The following AK8 variants were observed in gnomAD, a reference collection of about 807,000 sequenced individuals.
The protein encoded by AK8 is ATP-AMP transphosphorylase 8.
AK8 carries 44 observed loss-of-function variants against 54.6 expected under a neutral mutation model. The observed-to-expected ratio is 0.81, with a 90% CI of 0.63 to 1.04. The LOEUF is 1.04. Among genes scored for constraint, AK8 ranks in the 50% least tolerant of loss-of-function variants. The probability of loss-of-function intolerance (pLI) is 0.00; values close to 1 mark genes in which losing one functional copy is unlikely to be tolerated. For synonymous variants in AK8, 239 were observed against 245.6 expected, an observed-to-expected ratio of 0.97 and a Z score of 0.25; for missense variants, 555 against 613.6, an observed-to-expected ratio of 0.90 and a Z score of 1.01.
chr9:132,738,289 G>A (rs379893), intron 11 of AK8, among the ~76,000 whole-genome samples: 4,932 of 152,090 alleles, frequency 0.032, 199 homozygotes, highest in African/African-American at 0.1. Context: ...TCCTGACCTC[G>A]TGATCTGCCC....
chr9:132,764,731 A>G (rs7034575), intron 11 of AK8, among the ~76,000 whole-genome samples: 3,147 of 152,330 alleles, frequency 0.021, 112 homozygotes, highest in African/African-American at 0.072. Context: ...ATTCTACCAG[A>G]CATTTAAAGA....
chr9:132,857,376 C>T (rs1332617942), intron 4 of AK8, among the ~76,000 whole-genome samples: 1 of 152,122 alleles, frequency 6.6e-6, no homozygotes, highest in East Asian at 1.9e-4. Context: ...ACAGGGCCCC[C>T]GGGGTCTGGG....
At chr9:132,863,502 C>T (rs1843472038) in intron 4 of AK8, among the ~76,000 whole-genome samples, 163 bp downstream of exon 4, 1 of 152,248 alleles carries the variant, frequency 6.6e-6, no homozygotes, top group Non-Finnish European at 1.5e-5. Flanking sequence ...GAATTATCTT[C>T]TTCCTTCCTT....
chr9:132,845,528 G>A (rs1842714735), intron 5 of AK8, among the ~76,000 whole-genome samples: 1 of 152,178 alleles, frequency 6.6e-6, no homozygotes, highest in Non-Finnish European at 1.5e-5. Context: ...AGTGGCTCAT[G>A]CCTGTAATCC....
chr9:132,726,565 G>A (rs141427819), intron 12 of AK8, among the ~76,000 whole-genome samples: 1 of 152,176 alleles, frequency 6.6e-6, no homozygotes, highest in Admixed American at 6.5e-5. Flanking sequence ...ACCATGCCCG[G>A]CCTCTTGTTC....
intron 11 of AK8, among the ~76,000 whole-genome samples, chr9:132,767,824 G>C (rs1838787639): frequency 6.6e-6 from 1 of 152,186 alleles, no homozygotes; most frequent in Non-Finnish European, 1.5e-5. Context: ...TGAAACCAGA[G>C]GTCATTATGG....
rs188716364 is a variant in AK8 at position 132,826,300 on chromosome 9, G to A, written c.757+554C>T. 5.9e-5 allele frequency among the ~76,000 whole-genome samples: 9 copies of A among 152,270 alleles called. No homozygotes were observed. In the East Asian group the frequency reaches 1.2e-3, roughly 20 times the overall value. ...CAGGTTGCTCAGCTCAGCCATCCCCGCACCTCGCACAGGCTGCCCGCAGTG... is the reference window on the plus strand; with the variant it reads ...CAGGTTGCTCAGCTCAGCCATCCCCACACCTCGCACAGGCTGCCCGCAGTG... On this transcript the variant is annotated intron_variant, in intron 8 of 12. Coordinates refer to ENST00000298545, the MANE Select transcript of AK8 (RefSeq NM_152572.3). The surrounding 1 kb of genome is among the most constrained non-coding windows in gnomAD (Gnocchi z 4.5).
At position 132,823,326 on chromosome 9, in the gene AK8, A is replaced by T; in HGVS notation, c.768T>A (p.Tyr256Ter). Residue 256 changes from tyrosine to a stop codon, truncating the protein, a stop_gained, in exon 9 of 13, where the codon TAT (tyrosine) becomes TAA (stop). Transcript: ENST00000298545. LOFTEE classifies it high-confidence loss of function. ...CATTAGTACGATGGTTGCTTTGGAC[A>T]TAGGTCAGAGCTGGAAAGAGAGGAT... ...CVDVFYQALTYVQSNHRTNAP... is the reference protein window; with the variant it reads ...CVDVFYQALT The T allele has an allele frequency of 6.2e-7, 1 of 1,613,982 alleles. No homozygotes were observed. Among genetic ancestry groups the T allele is most frequent in the South Asian group, 1.1e-5 (1 of 91,078 alleles).
Position 132,872,533 on chromosome 9 carries a change from T to C in AK8, c.169+2582A>G, listed in dbSNP as rs979427035. ...AATGCAGTGGGTATTCAAGATGAAG[T>C]CGTGGCACCATGGCCTCTCACTCCT... On this transcript the variant is annotated intron_variant, in intron 2 of 12. Transcript: ENST00000298545. Among the ~76,000 whole-genome samples the C allele has an allele frequency of 3.3e-5, 5 of 152,072 alleles. 1 individual carries two copies. Among genetic ancestry groups the C allele is most frequent in the Admixed American group, 3.3e-4 (5 of 15,266 alleles).
intron 10 of AK8, among the ~76,000 whole-genome samples, chr9:132,801,824 G>A (rs1284240846): frequency 6.6e-6 from 1 of 152,224 alleles, no homozygotes; most frequent in African/African-American, 2.4e-5. Flanking sequence ...AGTAGTCACA[G>A]TATCCCATTT....
intron 5 of AK8, among the ~76,000 whole-genome samples, chr9:132,851,984 A>T (rs1842986912): frequency 6.6e-6 from 1 of 152,228 alleles, no homozygotes; most frequent in Non-Finnish European, 1.5e-5. Context: ...AAAACTCGAA[A>T]GCGGCTATTA....
chr9:132,800,860 G>A (rs1167040338), intron 10 of AK8, among the ~76,000 whole-genome samples: 6 of 151,582 alleles, frequency 4.0e-5, no homozygotes, highest in Non-Finnish European at 5.9e-5. Flanking sequence ...GTGCCCACAC[G>A]GCATTGACAC....
chr9:132,856,173 T>G (rs1335182230), intron 4 of AK8, among the ~76,000 whole-genome samples: 1 of 152,166 alleles, frequency 6.6e-6, no homozygotes. Flanking sequence ...CACCCACATT[T>G]CTGAAAAAGG....
chr9:132,734,553 C>T (rs781357266), intron 11 of AK8, among the ~76,000 whole-genome samples: 3 of 152,122 alleles, frequency 2.0e-5, no homozygotes, highest in Non-Finnish European at 2.9e-5. Flanking sequence ...CTGGGCAACA[C>T]AGTGAGACCC....
At chr9:132,872,228 C>T (rs768183789) in intron 2 of AK8, among the ~76,000 whole-genome samples, 1 of 151,988 alleles carries the variant, frequency 6.6e-6, no homozygotes, top group Non-Finnish European at 1.5e-5. Flanking sequence ...CCCAACTACT[C>T]AGGAGGCTGA....
At position 132,858,965 on chromosome 9, in the gene AK8, G is replaced by C. The variant is rs552290743; in HGVS notation, c.334-4040C>G. ...CCTGGTGCTCCAGTTTCCCTGGGTA[G>C]AGCAGTCACCTCCTCTACCCCAAGC... is the stretch of plus-strand genomic sequence containing the variant. On this transcript the variant is annotated intron_variant, in intron 4 of 12. Coordinates refer to ENST00000298545, the MANE Select transcript of AK8 (RefSeq NM_152572.3). Among the ~76,000 whole-genome samples, 5 of 152,302 alleles carry C rather than the reference G, an allele frequency of 3.3e-5. No homozygotes were observed. The East Asian group carries it at 9.6e-4, about 29-fold the overall frequency.
At chr9:132,768,356 C>T (rs1335186780) in intron 11 of AK8, among the ~76,000 whole-genome samples, 1 of 151,788 alleles carries the variant, frequency 6.6e-6, no homozygotes, top group Non-Finnish European at 1.5e-5. Flanking sequence ...CAACCTCCGC[C>T]TCCTGGGTTC....
At chr9:132,762,638 G>A (rs1838533923) in intron 11 of AK8, among the ~76,000 whole-genome samples, 2 of 152,050 alleles carry the variant, frequency 1.3e-5, no homozygotes, top group African/African-American at 2.4e-5. Context: ...CATAGAAAAC[G>A]GAAGGAAACA....
Position 132,852,769 on chromosome 9 carries a change from C to CAA in AK8, c.402+2086_402+2087dup, listed in dbSNP as rs35786801. On this transcript the variant is annotated intron_variant, in intron 5 of 12. Transcript: ENST00000298545. ...TGGGCAACAGAGTGAGATTAGGTCT[C>CAA]AAAAAAAAAAAAAAAAAAAAAAAAA... is the stretch of plus-strand genomic sequence containing the variant. Among the ~76,000 whole-genome samples the CAA allele has an allele frequency of 4.0e-3, 65 of 16,364 alleles. 4 individuals are homozygous for CAA. The highest frequency in any genetic ancestry group is 9.2e-3 in the South Asian group (3 of 326). The allele number at this position is 16,364 out of a possible 152,430, so 10.7% of individuals were successfully genotyped here.
Sources: gnomAD v4.1 joint callset for allele counts (sites outside exome capture counted in the v4.1 genomes callset) on GRCh38, gnomAD v4.1.1 for gene constraint, Gnocchi (gnomAD v3.1) non-coding constraint, MANE v1.5 for transcripts, NCBI Gene and HGNC (gene_info 2026-07-23, HGNC 2026-07-21) for gene names.